The following SEMA4D variants were observed in gnomAD, a reference collection of about 807,000 sequenced individuals.
SEMA4D encodes the protein semaphorin 4D.
Under a neutral mutation model 74.8 loss-of-function variants are expected in SEMA4D, and 22 were observed. The ratio of observed to expected loss-of-function variants is 0.29; its 90% CI spans 0.21 to 0.42. SEMA4D has a LOEUF of 0.42. SEMA4D is among the 10% of genes least tolerant of loss of function. The pLI is 1.00. For missense variants in SEMA4D, 937 were observed against 1,118.4 expected (o/e 0.84, Z 2.31); for synonymous variants, 445 against 463.7 (o/e 0.96, Z 0.52).
chr9:89,429,834 T>C (rs555966063), intron 2 of SEMA4D, among the ~76,000 whole-genome samples: 24 of 152,144 alleles, frequency 1.6e-4, no homozygotes, highest in Non-Finnish European at 3.1e-4. Context: ...ATTACGCGGT[T>C]TGCAAACTGA....
chr9:89,393,760 C>A, intron 6 of SEMA4D, 105 bp from the exon 7 acceptor site: 4 of 840,390 alleles, frequency 4.8e-6, no homozygotes, highest in Non-Finnish European at 7.9e-6. Context: ...TCTCGGAAGA[C>A]CAACAGGGCC....
At chr9:89,380,555 C>A (rs1310081804) in intron 15 of SEMA4D, among the ~76,000 whole-genome samples, 1 of 152,216 alleles carries the variant, frequency 6.6e-6, no homozygotes, top group Non-Finnish European at 1.5e-5. Context: ...AGACACAGAA[C>A]TGAGGGTCAA....
At chr9:89,489,341 T>C (rs1027102887) in intron 1 of SEMA4D, among the ~76,000 whole-genome samples, 2 of 152,200 alleles carry the variant, frequency 1.3e-5, no homozygotes, top group African/African-American at 4.8e-5. Context: ...ATGTCTTATA[T>C]CATCTTTTAT....
chr9:89,455,541 G>A (rs987211243), intron 2 of SEMA4D, among the ~76,000 whole-genome samples: 1 of 152,172 alleles, frequency 6.6e-6, no homozygotes, highest in Admixed American at 6.5e-5. Context: ...CTCAACTGGG[G>A]CCCTTCCCTT....
Position 89,371,178 on chromosome 9 carries a change from T to G in SEMA4D, c.1882+5655A>C, listed in dbSNP as rs1192364654. On this transcript the variant is annotated intron_variant, in intron 16 of 18. Transcript: ENST00000339861. ...ATGTCTGGGGTGTATAAGGTGTGTGTGGGGGGGGTGTGGTGTGTATCTGGG... is the reference window on the plus strand; with the variant it reads ...ATGTCTGGGGTGTATAAGGTGTGTGGGGGGGGGGTGTGGTGTGTATCTGGG... 3.5e-4 allele frequency among the ~76,000 whole-genome samples: 8 copies of G among 22,666 alleles called. 1 individual carries two copies. Among genetic ancestry groups the G allele is most frequent in the African/African-American group, 9.9e-4 (5 of 5,064 alleles). The allele number at this position is 22,666 out of a possible 152,430, so 14.9% of individuals were successfully genotyped here.
chr9:89,421,545 A>C (rs564628624), intron 2 of SEMA4D, among the ~76,000 whole-genome samples: 3 of 152,238 alleles, frequency 2.0e-5, no homozygotes, highest in Non-Finnish European at 4.4e-5. Flanking sequence ...AGGCTATTCA[A>C]TAGGTAAACT....
At position 89,394,867 on chromosome 9, in the gene SEMA4D, T is replaced by C. The variant is rs143191499; in HGVS notation, c.415-1212A>G. On this transcript the variant is annotated intron_variant, in intron 6 of 15. Transcript: ENST00000422704. ...GAGACTGGATGATGCTGGGGAATGA[T>C]TGAACGTTTTCTTAGATATAATGAT... Among the ~76,000 whole-genome samples, 322 of 152,356 alleles carry C rather than the reference T, an allele frequency of 2.1e-3. 2 individuals carry two copies. The highest frequency in any genetic ancestry group is 7.0e-3 in the African/African-American group (291 of 41,578).
chr9:89,455,180 C>A (rs944252872), intron 2 of SEMA4D, among the ~76,000 whole-genome samples: 7 of 152,264 alleles, frequency 4.6e-5, no homozygotes, highest in African/African-American at 1.7e-4. Flanking sequence ...GACATGCGGA[C>A]TCGCACCCAC....
At chr9:89,433,542 G>A (rs576433263) in intron 2 of SEMA4D, among the ~76,000 whole-genome samples, 49 of 152,354 alleles carry the variant, frequency 3.2e-4, no homozygotes, top group Non-Finnish European at 5.6e-4. Flanking sequence ...GTCCTAGAGA[G>A]GGACTGTGCA....
chr9:89,482,288 C>T lies in SEMA4D; in HGVS notation c.-310+15631G>A, dbSNP rs546611935. Among the ~76,000 whole-genome samples, 27 of 152,290 alleles carry T rather than the reference C, an allele frequency of 1.8e-4. 1 individual carries two copies. Among genetic ancestry groups the T allele is most frequent in the East Asian group, 5.8e-4 (3 of 5,182 alleles). On this transcript the variant is annotated intron_variant, in intron 1 of 15. Transcript: ENST00000422704. ...CACACCTGGATCACTCTGACGACCACGAGGCCAGAGTCTCAGACCATGGAA... is the reference window on the plus strand; with the variant it reads ...CACACCTGGATCACTCTGACGACCATGAGGCCAGAGTCTCAGACCATGGAA...
intron 1 of SEMA4D, among the ~76,000 whole-genome samples, chr9:89,461,700 C>CTCTCTTTT (rs71281350): frequency 5.8e-5 from 6 of 103,642 alleles, no homozygotes; most frequent in South Asian, 3.8e-4. Flanking sequence ...TCTTTTTTCT[C>CTCTCTTTT]TTTTTTTTTT....
chr9:89,493,745 T>C (rs199747676), intron 1 of SEMA4D, among the ~76,000 whole-genome samples: 2 of 152,388 alleles, frequency 1.3e-5, no homozygotes, highest in East Asian at 3.9e-4. Context: ...GCATCACTTA[T>C]GTTTTTGCTA....
intron 1 of SEMA4D, among the ~76,000 whole-genome samples, chr9:89,474,803 C>T (rs1251131518): frequency 2.0e-5 from 3 of 152,208 alleles, no homozygotes; most frequent in Non-Finnish European, 4.4e-5. Flanking sequence ...CAAGCCTTTC[C>T]GTAGAGAAAG....
At chr9:89,416,076 A>T (rs878878459) in intron 2 of SEMA4D, among the ~76,000 whole-genome samples, 1 of 152,220 alleles carries the variant, frequency 6.6e-6, no homozygotes, top group Non-Finnish European at 1.5e-5. Context: ...TAACTCCACA[A>T]ACCAAATGTA....
intron 4 of SEMA4D, among the ~76,000 whole-genome samples, chr9:89,402,633 G>A (rs569239508): frequency 6.6e-6 from 1 of 151,754 alleles, no homozygotes; most frequent in Non-Finnish European, 1.5e-5. Flanking sequence ...TCATGGCATA[G>A]CTGTCTCTGC....
At chr9:89,361,016 G>A (rs1832719955) in exon 19 of SEMA4D, 1 of 152,216 alleles carries the variant, frequency 6.6e-6, no homozygotes, top group African/African-American at 2.4e-5. Context: ...TCATCAGTTT[G>A]TAGTGGTTGA....
At chr9:89,444,172 G>A (rs541452977) in intron 2 of SEMA4D, among the ~76,000 whole-genome samples, 13 of 152,250 alleles carry the variant, frequency 8.5e-5, no homozygotes, top group South Asian at 4.1e-4. Context: ...ATAATTCTGC[G>A]TCCACCTGGT....
intron 2 of SEMA4D, among the ~76,000 whole-genome samples, chr9:89,409,190 C>CT (rs1439987304): frequency 6.6e-6 from 1 of 152,256 alleles, no homozygotes; most frequent in Non-Finnish European, 1.5e-5. Context: ...GAAGTACATA[C>CT]TGCATGATCC....
At chr9:89,442,377 T>A (rs1851864892) in intron 2 of SEMA4D, among the ~76,000 whole-genome samples, 1 of 152,198 alleles carries the variant, frequency 6.6e-6, no homozygotes, top group Admixed American at 6.5e-5. Flanking sequence ...AAGAGTCCTC[T>A]GTTAAACATG....
Sources: gnomAD v4.1 joint callset for allele counts (sites outside exome capture counted in the v4.1 genomes callset) on GRCh38, gnomAD v4.1.1 for gene constraint, MANE v1.5 for transcripts, NCBI Gene and HGNC (gene_info 2026-07-23, HGNC 2026-07-21) for gene names.